RBFOX3: variants seen among roughly 807,000 people sequenced by gnomAD.
RBFOX3 encodes the protein RNA binding protein fox-1 homolog 3.
In RBFOX3, 17 loss-of-function variants were observed where a neutral mutation model predicts 48.7. The observed-to-expected ratio is 0.35, with a 90% CI of 0.24 to 0.52. The LOEUF (loss-of-function observed/expected upper bound fraction) is 0.52, where lower values mean the gene tolerates loss of function less well. RBFOX3 is among the 20% of genes least tolerant of loss of function. RBFOX3 has a pLI of 0.94. For missense variants in RBFOX3, 382 were observed against 497.5 expected (o/e 0.77, Z 2.21); for synonymous variants, 212 against 209.5 (o/e 1.01, Z -0.10).
At chr17:79,217,607 TG>T (rs1320294630) in intron 4 of RBFOX3, among the ~76,000 whole-genome samples, 6 of 151,720 alleles carry the variant, frequency 4.0e-5, no homozygotes, top group Admixed American at 1.3e-4. Flanking sequence ...AGGATGAGGG[TG>T]GGGGTGCAGA....
Position 79,479,662 on chromosome 17 carries a change from C to T in RBFOX3, c.-175+2792G>A, listed in dbSNP as rs986919707. 6.6e-6 allele frequency among the ~76,000 whole-genome samples: 1 copy of T among 152,222 alleles called. No individual in the cohort carries two copies. Among genetic ancestry groups the T allele is most frequent in the Non-Finnish European group, 1.5e-5 (1 of 68,042 alleles). ...ACCCTGGACTTCCCAGACGCTCCCT[C>T]GGGGGTGGGCTGGTCTTGTACTTTC... On this transcript the variant is annotated intron_variant, in intron 2 of 14. Coordinates refer to ENST00000693108, the MANE Select transcript of RBFOX3 (RefSeq NM_001350451.2). The surrounding 1 kb of genome is among the most constrained non-coding windows in gnomAD (Gnocchi z 5.1).
chr17:79,485,770 C>T (rs2149528829), intron 1 of RBFOX3, among the ~76,000 whole-genome samples: 1 of 152,372 alleles, frequency 6.6e-6, no homozygotes, highest in African/African-American at 2.4e-5. Flanking sequence ...AGGGCAGCCA[C>T]CCCTGCCTGC....
chr17:79,232,707 AT>A (rs974817155), intron 4 of RBFOX3, among the ~76,000 whole-genome samples: 5 of 151,654 alleles, frequency 3.3e-5, no homozygotes, highest in African/African-American at 9.7e-5. Context: ...GCGAAAAAAA[AT>A]CTCTTTACTT....
At chr17:79,655,980 C>T in the RBFOX3 span, among the ~76,000 whole-genome samples, 1 of 152,156 alleles carries the variant, frequency 6.6e-6, no homozygotes, top group Non-Finnish European at 1.5e-5. Context: ...GCAGGCCTTC[C>T]AGAATGGCCC....
At chr17:79,313,196 C>T (rs1212554034) in intron 2 of RBFOX3, among the ~76,000 whole-genome samples, 2 of 152,180 alleles carry the variant, frequency 1.3e-5, no homozygotes, top group African/African-American at 2.4e-5. Flanking sequence ...CTGGCACCTT[C>T]CAGGCTCTTG....
At chr17:79,215,360 T>A (rs1325455552) in intron 4 of RBFOX3, among the ~76,000 whole-genome samples, 1 of 152,180 alleles carries the variant, frequency 6.6e-6, no homozygotes, top group East Asian at 1.9e-4. Context: ...GTGACCGTGG[T>A]AGGAGACGCC....
chr17:79,611,786 A>T (rs1425112412), upstream of RBFOX3, among the ~76,000 whole-genome samples: 1 of 152,170 alleles, frequency 6.6e-6, no homozygotes, highest in African/African-American at 2.4e-5. Context: ...AAAGGAAGGG[A>T]TCGGGCCCAC....
the RBFOX3 span, among the ~76,000 whole-genome samples, chr17:79,660,579 T>G: frequency 6.6e-6 from 1 of 152,084 alleles, no homozygotes; most frequent in Non-Finnish European, 1.5e-5. Flanking sequence ...GACATGCAAA[T>G]CAAAACCACA....
At chr17:79,181,672 C>G (rs2146107278) in intron 4 of RBFOX3, among the ~76,000 whole-genome samples, 1 of 152,122 alleles carries the variant, frequency 6.6e-6, no homozygotes, top group East Asian at 1.9e-4. Flanking sequence ...CTGCTGGCCA[C>G]CCTCTGCTCC....
At chr17:79,419,623 C>T (rs67634527) in intron 2 of RBFOX3, among the ~76,000 whole-genome samples, 15,780 of 152,274 alleles carry the variant, frequency 0.1, 1,030 homozygotes, top group Admixed American at 0.16. Flanking sequence ...GACCTCAGCA[C>T]GTTCACCTCT....
At chr17:79,567,494 C>T (rs1432680332) in intron 1 of RBFOX3, among the ~76,000 whole-genome samples, 5 of 152,118 alleles carry the variant, frequency 3.3e-5, no homozygotes, top group African/African-American at 1.2e-4. Context: ...CAGGATTTAC[C>T]TTTCTGTGCC....
chr17:79,241,231 C>G (rs2062328266), intron 3 of RBFOX3, among the ~76,000 whole-genome samples: 1 of 146,932 alleles, frequency 6.8e-6, no homozygotes, highest in African/African-American at 2.5e-5. Flanking sequence ...CCAGGTTGGT[C>G]TTGAACTCCT....
At chr17:79,366,319 T>C (rs1306109333) in intron 2 of RBFOX3, among the ~76,000 whole-genome samples, 1 of 152,220 alleles carries the variant, frequency 6.6e-6, no homozygotes, top group Non-Finnish European at 1.5e-5. Flanking sequence ...GCCCAGCCAG[T>C]GACTCCCTGA....
At chr17:79,170,356 T>G (rs60247458) in intron 4 of RBFOX3, among the ~76,000 whole-genome samples, 22,874 of 151,748 alleles carry the variant, frequency 0.15, 2,503 homozygotes, top group African/African-American at 0.31. Flanking sequence ...AGGAAGGAGT[T>G]GGACCTGAGA....
chr17:79,305,331 G>A (rs943727193), intron 3 of RBFOX3, among the ~76,000 whole-genome samples: 2 of 152,152 alleles, frequency 1.3e-5, no homozygotes, highest in Non-Finnish European at 2.9e-5. Flanking sequence ...CAATCATTAT[G>A]TTTTTCTTTT....
chr17:79,207,266 C>T (rs1742402142), intron 4 of RBFOX3, among the ~76,000 whole-genome samples: 1 of 152,230 alleles, frequency 6.6e-6, no homozygotes, highest in Non-Finnish European at 1.5e-5. Flanking sequence ...TCATATTTAA[C>T]AGGAATGAAA....
chr17:79,266,929 C>T (rs915779074), intron 3 of RBFOX3, among the ~76,000 whole-genome samples: 6 of 152,140 alleles, frequency 3.9e-5, no homozygotes, highest in African/African-American at 1.4e-4. Context: ...TATAACAAAA[C>T]TGGAATCATT....
chr17:79,245,795 T>G (rs1163881717), intron 3 of RBFOX3, among the ~76,000 whole-genome samples: 4 of 151,996 alleles, frequency 2.6e-5, no homozygotes, highest in Admixed American at 6.6e-5. Flanking sequence ...GACTGGCTAA[T>G]TTTTGTATTT....
At chr17:79,470,198 A>G (rs767128752) in intron 2 of RBFOX3, among the ~76,000 whole-genome samples, 3 of 152,126 alleles carry the variant, frequency 2.0e-5, no homozygotes, top group Non-Finnish European at 4.4e-5. Flanking sequence ...GTGCTTCAAT[A>G]TCACCTGAAC....
Sources: allele counts gnomAD v4.1 joint callset (sites outside exome capture counted in the v4.1 genomes callset), GRCh38; gene constraint gnomAD v4.1.1; non-coding constraint Gnocchi (gnomAD v3.1); transcripts MANE v1.5; gene names NCBI Gene and HGNC (gene_info 2026-07-23, HGNC 2026-07-21).